The following GAREM1 variants were observed in gnomAD, a reference collection of about 807,000 sequenced individuals.
GAREM1 encodes GRB2-associated and regulator of MAPK protein 1.
Under a neutral mutation model 71.3 loss-of-function variants are expected in GAREM1, and 26 were observed. The observed-to-expected ratio is 0.36, with a 90% confidence interval of 0.27 to 0.51. The LOEUF (loss-of-function observed/expected upper bound fraction) is 0.51. GAREM1 is among the 20% of genes least tolerant of loss of function. GAREM1 has a pLI of 0.95. For synonymous variants in GAREM1, 440 were observed against 433.2 expected (o/e 1.02, Z -0.20); for missense variants, 1,026 against 1,103.1 (o/e 0.93, Z 0.99).
At chr18:32,442,625 A>G (rs568210264) in intron 1 of GAREM1, among the ~76,000 whole-genome samples, 1 of 152,304 alleles carries the variant, frequency 6.6e-6, no homozygotes, top group South Asian at 2.1e-4. Context: ...CCAGAACTCA[A>G]CTTTAATATG....
chr18:32,286,543 C>T (rs191012216), intron 4 of GAREM1, among the ~76,000 whole-genome samples: 1 of 152,248 alleles, frequency 6.6e-6, no homozygotes, highest in Admixed American at 6.5e-5. Flanking sequence ...TTCTGTTGCC[C>T]AGGCTAAAAA....
chr18:32,393,024 C>T lies in GAREM1; in HGVS notation c.133G>A (p.Glu45Lys). 6.2e-7 allele frequency: 1 copy of T among 1,613,650 alleles called. No homozygotes were observed. The highest frequency in any genetic ancestry group is 8.5e-7 in the Non-Finnish European group (1 of 1,179,764). The change falls in exon 2 of 6, where the codon GAA (glutamate) becomes AAA (lysine). Residue 45 changes from glutamate to lysine, a missense_variant. Transcript: ENST00000269209. ...AGATAGTCATTTTCCCGCAGCCCTTCTACGCACTCTCCTAGGAAATACAAT... is the reference window on the plus strand; with the variant it reads ...AGATAGTCATTTTCCCGCAGCCCTTTTACGCACTCTCCTAGGAAATACAAT... ...IARLDNGECVEGLRENDYLLI... is the reference protein window; with the variant it reads ...IARLDNGECVKGLRENDYLLI...
At chr18:32,427,970 TATGGAGGGAAAGTATA>T (rs1320840499) in intron 1 of GAREM1, among the ~76,000 whole-genome samples, 93 of 152,224 alleles carry the variant, frequency 6.1e-4, no homozygotes, top group African/African-American at 2.2e-3. Context: ...TATGACTATA[TATGGAGGGAAAGTATA>T]TTATATGGAG....
chr18:32,289,657 T>G (rs959167743), intron 3 of GAREM1, among the ~76,000 whole-genome samples: 1 of 152,166 alleles, frequency 6.6e-6, no homozygotes, highest in Non-Finnish European at 1.5e-5. Flanking sequence ...TGATATAGAT[T>G]CATGATTCTG....
At chr18:32,335,259 T>G (rs2047578421) in intron 2 of GAREM1, among the ~76,000 whole-genome samples, 1 of 152,236 alleles carries the variant, frequency 6.6e-6, no homozygotes, top group African/African-American at 2.4e-5. Flanking sequence ...AATCATAGAA[T>G]GCTAACGCTG....
chr18:32,355,335 C>A (rs1567976637), intron 2 of GAREM1, among the ~76,000 whole-genome samples: 1 of 152,010 alleles, frequency 6.6e-6, no homozygotes, highest in Non-Finnish European at 1.5e-5. Context: ...TGCCTAGAAC[C>A]CTATCTATGG....
chr18:32,363,287 C>T (rs905427837), intron 2 of GAREM1, among the ~76,000 whole-genome samples: 1 of 152,002 alleles, frequency 6.6e-6, no homozygotes, highest in African/African-American at 2.4e-5. Context: ...TTAAAAACAA[C>T]TGCCTAGCCA....
intron 1 of GAREM1, among the ~76,000 whole-genome samples, chr18:32,396,331 G>A (rs1387453782): frequency 6.6e-6 from 1 of 152,186 alleles, no homozygotes; most frequent in African/African-American, 2.4e-5. Context: ...TTGAAGAGAA[G>A]AAGGCTTCAG....
chr18:32,422,268 C>T (rs1423017563), intron 1 of GAREM1, among the ~76,000 whole-genome samples: 3 of 152,088 alleles, frequency 2.0e-5, no homozygotes, highest in African/African-American at 7.2e-5. Context: ...CCATAGTTTG[C>T]TGAGAATGAT....
At chr18:32,426,625 C>G (rs557025016) in intron 1 of GAREM1, among the ~76,000 whole-genome samples, 1 of 152,202 alleles carries the variant, frequency 6.6e-6, no homozygotes, top group South Asian at 2.1e-4. Flanking sequence ...ATAGAAATTC[C>G]TCTTCCACCT....
intron 2 of GAREM1, among the ~76,000 whole-genome samples, chr18:32,373,642 A>C (rs115938971): frequency 0.013 from 1,941 of 152,340 alleles, 53 homozygotes; most frequent in African/African-American, 0.045. Context: ...GCGACAGCTG[A>C]CACATGCTCC....
At chr18:32,284,743 GCC>G (rs1450950817) in intron 4 of GAREM1, among the ~76,000 whole-genome samples, 8 of 149,724 alleles carry the variant, frequency 5.3e-5, no homozygotes, top group African/African-American at 2.0e-4. Context: ...TTGGAGGGGT[GCC>G]CCCTTACTTT....
chr18:32,280,273 T>C (rs1490253443), intron 4 of GAREM1, among the ~76,000 whole-genome samples: 1 of 152,178 alleles, frequency 6.6e-6, no homozygotes, highest in East Asian at 1.9e-4. Context: ...CACAGCTTAT[T>C]ATCAACAAAC....
rs558918753 is a variant in GAREM1 at position 32,267,979 on chromosome 18, G to A, written c.2523C>T (p.Asn841=). The change falls in exon 6 of 6, where the codon AAC becomes AAT. Residue 841 remains asparagine (N), a synonymous_variant. Coordinates refer to ENST00000269209, the MANE Select transcript of GAREM1 (RefSeq NM_001242409.2). ...TTTCTTCCGTTAGCTGAACAAGCAG[G>A]TTCCCATCAATCTTTTCAGTAACAA... is the stretch of plus-strand genomic sequence containing the variant. ...SFFVTEKIDG[N]LLVQLTEEIL... The A allele has an allele frequency of 9.9e-6, 16 of 1,613,892 alleles. No individual in the cohort carries two copies. The South Asian group carries it at 1.8e-4, about 18-fold the overall frequency.
At chr18:32,430,941 A>G (rs770985915) in intron 1 of GAREM1, among the ~76,000 whole-genome samples, 16 of 152,212 alleles carry the variant, frequency 1.1e-4, no homozygotes, top group Non-Finnish European at 2.1e-4. Context: ...GGTTTCAGAG[A>G]GCTAGAAAAT....
At chr18:32,394,942 T>C (rs2048236331) in intron 1 of GAREM1, among the ~76,000 whole-genome samples, 1 of 152,218 alleles carries the variant, frequency 6.6e-6, no homozygotes, top group Non-Finnish European at 1.5e-5. Flanking sequence ...ACACAGTGAA[T>C]GGAAAGTGTG....
At chr18:32,293,479 G>T (rs624171) in intron 3 of GAREM1, among the ~76,000 whole-genome samples, 46,048 of 152,110 alleles carry the variant, frequency 0.3, 7,434 homozygotes, top group African/African-American at 0.41. Flanking sequence ...GAACACCTAA[G>T]TCCATGCTGA....
chr18:32,308,057 A>G (rs1203001009), intron 3 of GAREM1, among the ~76,000 whole-genome samples: 1 of 152,202 alleles, frequency 6.6e-6, no homozygotes, highest in Admixed American at 6.5e-5. Flanking sequence ...TGCAAGCTAG[A>G]GGTGATGGCA....
chr18:32,398,052 T>C (rs530541570), intron 1 of GAREM1, among the ~76,000 whole-genome samples: 56 of 152,292 alleles, frequency 3.7e-4, no homozygotes, highest in Admixed American at 1.3e-3. Context: ...AACAACCTGC[T>C]CCTGAATGAC....
Sources: gnomAD v4.1 joint callset for allele counts (sites outside exome capture counted in the v4.1 genomes callset) on GRCh38, gnomAD v4.1.1 for gene constraint, MANE v1.5 for transcripts, NCBI Gene and HGNC (gene_info 2026-07-23, HGNC 2026-07-21) for gene names.